The following PDE4D variants were observed in gnomAD, a reference collection of about 807,000 sequenced individuals.
The protein encoded by PDE4D is 3',5'-cyclic-AMP phosphodiesterase 4D.
PDE4D carries 24 observed loss-of-function variants against 87.4 expected under a neutral mutation model. The observed-to-expected ratio is 0.27, with a 90% confidence interval of 0.20 to 0.39. The LOEUF is 0.39. PDE4D is among the 10% of genes least tolerant of loss of function. The pLI is 1.00. For missense variants in PDE4D, 714 were observed against 1,041.0 expected, an observed-to-expected ratio of 0.69 and a Z score of 4.32; for synonymous variants, 384 against 383.2, an observed-to-expected ratio of 1.00 and a Z score of -0.02.
At chr5:60,169,026 A>G (rs1373676858) in intron 2 of PDE4D, among the ~76,000 whole-genome samples, 2 of 152,068 alleles carry the variant, frequency 1.3e-5, no homozygotes, top group Non-Finnish European at 2.9e-5. Flanking sequence ...TGTTTATTGT[A>G]TTTTTTAACT....
rs70975363 is a variant in PDE4D at position 60,059,040 on chromosome 5, A to ATGTGTGTGTGTGTGTGTGTGTG, written c.43-70345_43-70324dup. On this transcript the variant is annotated intron_variant, in intron 2 of 16. Coordinates refer to the PDE4D transcript ENST00000502484. The stretch of plus-strand genomic sequence containing the variant: ...TATCTATCTTTTTTGGCATTGTCAT[A>ATGTGTGTGTGTGTGTGTGTGTG]TGTGTGTGTGTGTGTGTGTGTGTGT... Among the ~76,000 whole-genome samples, 661 of 142,402 alleles carry ATGTGTGTGTGTGTGTGTGTGTG rather than the reference A, an allele frequency of 4.6e-3. 6 individuals are homozygous for ATGTGTGTGTGTGTGTGTGTGTG. Among genetic ancestry groups the ATGTGTGTGTGTGTGTGTGTGTG allele is most frequent in the Middle Eastern group, 0.018 (5 of 280 alleles). 93.4% of individuals were successfully genotyped at this position (142,402 alleles called of 152,430 possible).
At chr5:59,817,742 ACC>A (rs567130519) in intron 1 of PDE4D, among the ~76,000 whole-genome samples, 1 of 122,338 alleles carries the variant, frequency 8.2e-6, no homozygotes, top group East Asian at 2.3e-4. Flanking sequence ...ACACACCCAC[ACC>A]CCCCCCCACA....
At chr5:59,995,064 T>C (rs1763393549) in intron 2 of PDE4D, among the ~76,000 whole-genome samples, 1 of 152,170 alleles carries the variant, frequency 6.6e-6, no homozygotes, top group South Asian at 2.1e-4. Flanking sequence ...CTGGAGTACA[T>C]AACACTTTTG....
chr5:59,893,689 G>A lies in PDE4D; in HGVS notation c.-67C>T. ...ACCGCGCTGGCCCGAGCGCCTTCCT[G>A]ATGCTGCTGCTGCTGCTGCCGCCGC... On this transcript the variant is annotated 5_prime_UTR_variant, in exon 1 of 15. Transcript: ENST00000340635. The A allele has an allele frequency of 7.2e-7, 1 of 1,394,198 alleles. No individual in the cohort carries two copies. Among genetic ancestry groups the A allele is most frequent in the East Asian group, 3.0e-5 (1 of 32,834 alleles). 86.4% of individuals were successfully genotyped at this position (1,394,198 alleles called of 1,614,324 possible).
At chr5:59,396,666 T>C (rs1251813988) in intron 1 of PDE4D, among the ~76,000 whole-genome samples, 6 of 107,244 alleles carry the variant, frequency 5.6e-5, no homozygotes, top group Non-Finnish European at 9.6e-5. Context: ...AGGAAGAAAC[T>C]GCATCAACTA....
At chr5:60,416,675 T>C (rs1407847674) in intron 1 of PDE4D, among the ~76,000 whole-genome samples, 1 of 152,168 alleles carries the variant, frequency 6.6e-6, no homozygotes, top group East Asian at 1.9e-4. Context: ...ACCATGAGCG[T>C]CCGCGGCTTC....
At chr5:59,865,501 A>G (rs1746883246) in intron 1 of PDE4D, among the ~76,000 whole-genome samples, 1 of 152,186 alleles carries the variant, frequency 6.6e-6, no homozygotes, top group South Asian at 2.1e-4. Flanking sequence ...TAGAGCCAAG[A>G]GAAATGTGTA....
intron 1 of PDE4D, among the ~76,000 whole-genome samples, chr5:59,781,138 C>G (rs890477428): frequency 5.5e-5 from 8 of 145,154 alleles, no homozygotes; most frequent in African/African-American, 2.0e-4. Context: ...TGCACTCCAG[C>G]CTGGGTGACA....
At chr5:59,671,998 TA>T (rs775355219) in intron 1 of PDE4D, among the ~76,000 whole-genome samples, 36 of 152,092 alleles carry the variant, frequency 2.4e-4, no homozygotes, top group Non-Finnish European at 4.7e-4. Flanking sequence ...TCAAGATTTT[TA>T]AAAGATCTGA....
chr5:59,613,646 G>T (rs1456826934), intron 1 of PDE4D, among the ~76,000 whole-genome samples: 1 of 152,156 alleles, frequency 6.6e-6, no homozygotes, highest in Non-Finnish European at 1.5e-5. Context: ...GAGACCCTGG[G>T]GAAGAGAGTT....
intron 1 of PDE4D, among the ~76,000 whole-genome samples, chr5:59,611,488 A>G (rs796163526): frequency 6.6e-6 from 1 of 152,074 alleles, no homozygotes; most frequent in African/African-American, 2.4e-5. Flanking sequence ...TCCCCTTGTA[A>G]CACTCATCAC....
intron 5 of PDE4D, among the ~76,000 whole-genome samples, chr5:59,173,596 G>C (rs935870362): frequency 1.3e-5 from 2 of 152,174 alleles, no homozygotes; most frequent in Non-Finnish European, 2.9e-5. Context: ...TTTTATTAAA[G>C]CTATTAAACA....
chr5:59,563,251 G>A (rs180673193), intron 1 of PDE4D, among the ~76,000 whole-genome samples: 2 of 152,184 alleles, frequency 1.3e-5, no homozygotes, highest in Non-Finnish European at 2.9e-5. Context: ...TGTGACCGCA[G>A]AGGAATTTCA....
At chr5:60,434,591 C>T (rs576686819) in intron 1 of PDE4D, among the ~76,000 whole-genome samples, 9 of 152,202 alleles carry the variant, frequency 5.9e-5, no homozygotes, top group African/African-American at 2.2e-4. Flanking sequence ...TTCAATTAGT[C>T]GGACACAACT....
At chr5:60,152,524 G>A (rs1262943001) in intron 2 of PDE4D, among the ~76,000 whole-genome samples, 1 of 151,866 alleles carries the variant, frequency 6.6e-6, no homozygotes, top group African/African-American at 2.4e-5. Context: ...GTGGTGGCAG[G>A]CGCCTGTAGT....
At chr5:59,697,243 A>G (rs1034260354) in intron 1 of PDE4D, among the ~76,000 whole-genome samples, 9 of 152,262 alleles carry the variant, frequency 5.9e-5, no homozygotes, top group African/African-American at 2.2e-4. Flanking sequence ...ATTCATTAAT[A>G]GATAGTCCCT....
intron 5 of PDE4D, among the ~76,000 whole-genome samples, chr5:59,105,351 A>G (rs1771415815): frequency 1.3e-5 from 2 of 152,336 alleles, no homozygotes; most frequent in South Asian, 2.1e-4. Context: ...TCATCTTAAA[A>G]TAATTTTCCA....
chr5:59,570,437 C>T (rs1821638093), intron 1 of PDE4D, among the ~76,000 whole-genome samples: 1 of 152,002 alleles, frequency 6.6e-6, no homozygotes, highest in Admixed American at 6.5e-5. Flanking sequence ...CTAATTTTTA[C>T]AGGAAAATAT....
intron 11 of PDE4D, among the ~76,000 whole-genome samples, chr5:58,979,437 A>T (rs1004367824): frequency 3.3e-5 from 5 of 152,166 alleles, no homozygotes; most frequent in Non-Finnish European, 5.9e-5. Flanking sequence ...TAAGAAACTG[A>T]ATCTCAAGGA....
Sources: allele counts gnomAD v4.1 joint callset (sites outside exome capture counted in the v4.1 genomes callset), GRCh38; gene constraint gnomAD v4.1.1; transcripts MANE v1.5; gene names NCBI Gene and HGNC (gene_info 2026-07-23, HGNC 2026-07-21).